NAV3: variants seen among roughly 807,000 people sequenced by gnomAD.
NAV3 encodes neuron navigator 3.
In NAV3, 87 loss-of-function variants were observed where a neutral mutation model predicts 244.7. The observed-to-expected ratio is 0.36, with a 90% CI of 0.30 to 0.42. NAV3 has a LOEUF of 0.42. Ranked by LOEUF, NAV3 falls within the 20% of genes least tolerant of loss-of-function variation. The probability of loss-of-function intolerance (pLI) is 1.00; values close to 1 mark genes in which losing one functional copy is unlikely to be tolerated. For missense variants in NAV3, 2,663 were observed against 2,893.3 expected (o/e 0.92, Z 1.83); for synonymous variants, 1,126 against 1,042.2 (o/e 1.08, Z -1.55).
At position 77,953,786 on chromosome 12, in the gene NAV3, A is replaced by G. The variant is rs142653279; in HGVS notation, c.415-12443A>G. ...TCGAGGAAAAGGCCTGGAATTACGC[A>G]TGCTCACAATGATCCCTGCTCAGCT... On this transcript the variant is annotated intron_variant, in intron 3 of 39. Coordinates refer to ENST00000397909, the MANE Select transcript of NAV3 (RefSeq NM_001024383.2). 2.8e-3 allele frequency among the ~76,000 whole-genome samples: 420 copies of G among 152,288 alleles called. 9 individuals are homozygous for G. In the South Asian group the frequency reaches 0.051, roughly 18 times the overall value.
intron 2 of NAV3, among the ~76,000 whole-genome samples, chr12:77,595,405 A>G (rs1359713816): frequency 6.6e-6 from 1 of 152,122 alleles, no homozygotes; most frequent in Non-Finnish European, 1.5e-5. Flanking sequence ...AAATGGGGAG[A>G]TGTTGATAAG....
Position 77,831,574 on chromosome 12 carries a change from C to T in NAV3, c.113C>T (p.Ser38Phe), listed in dbSNP as rs1282092599. The T allele has an allele frequency of 6.2e-7, 1 of 1,613,974 alleles. No homozygotes were observed. The highest frequency in any genetic ancestry group is 1.3e-5 in the African/African-American group (1 of 74,924). ...NLGTTGSQHCSSRPLELTETE... is the reference protein window; with the variant it reads ...NLGTTGSQHCFSRPLELTETE... ...GGCACTACTGGGTCACAGCACTGTT[C>T]TTCAAGACCTTTGGAACTTACTGAA... Residue 38 changes from serine (S) to phenylalanine (F), a missense_variant, in exon 1 of 40, where the codon TCT becomes TTT. Coordinates refer to ENST00000397909, the MANE Select transcript of NAV3 (RefSeq NM_001024383.2).
chr12:77,791,363 A>G (rs1394752086), intron 2 of NAV3, among the ~76,000 whole-genome samples: 1 of 152,048 alleles, frequency 6.6e-6, no homozygotes. Flanking sequence ...TCAAAAAAAA[A>G]AAAAAAAAAA....
At chr12:78,193,011 A>G (rs1246691829) in intron 34 of NAV3, among the ~76,000 whole-genome samples, 2 of 151,882 alleles carry the variant, frequency 1.3e-5, no homozygotes, top group Non-Finnish European at 2.9e-5. Flanking sequence ...TACTGAAGTA[A>G]CATGATAATG....
At chr12:78,045,122 A>G (rs942671799) in intron 9 of NAV3, among the ~76,000 whole-genome samples, 1 of 152,162 alleles carries the variant, frequency 6.6e-6, no homozygotes, top group African/African-American at 2.4e-5. Context: ...CTAGTAATTG[A>G]GAGTTCTTAG....
chr12:77,941,826 A>G (rs1889899793), intron 3 of NAV3, among the ~76,000 whole-genome samples: 1 of 152,218 alleles, frequency 6.6e-6, no homozygotes, highest in Admixed American at 6.5e-5. Context: ...TGCCTTAACT[A>G]AAGTTACATC....
intron 12 of NAV3, among the ~76,000 whole-genome samples, chr12:78,114,411 G>GA (rs2138465321): frequency 6.6e-6 from 1 of 152,136 alleles, no homozygotes; most frequent in South Asian, 2.1e-4. Context: ...AGTTTATAAA[G>GA]AAAAAAGAGG....
intron 1 of NAV3, among the ~76,000 whole-genome samples, chr12:77,926,425 A>G (rs10082999): frequency 0.35 from 52,910 of 151,978 alleles, 9,629 homozygotes; most frequent in East Asian, 0.44. Context: ...ATTTCTTCCT[A>G]GCAAGAGAGG....
chr12:78,119,324 A>T lies in NAV3; in HGVS notation c.3128A>T (p.Lys1043Ile). ...SLQRSPSDAG[K>I]SSGDEGKKPP... ...CAAAGATCTCCTTCAGATGCAGGAAAAAGCAGTGGAGATGAAGGGAAAAAG... is the reference window on the plus strand; with the variant it reads ...CAAAGATCTCCTTCAGATGCAGGAATAAGCAGTGGAGATGAAGGGAAAAAG... The change falls in exon 15 of 40, where the codon AAA (lysine) becomes ATA (isoleucine). Residue 1043 changes from lysine (K) to isoleucine (I), a missense_variant. Lys to Ile is a moderately radical substitution (Grantham distance 102, BLOSUM62 -3). This residue lies in a region of NAV3 where 1,521 missense variants were observed against 1,497.0 expected (regional missense o/e 1.02). Coordinates refer to ENST00000397909, the MANE Select transcript of NAV3 (RefSeq NM_001024383.2). 16 of 1,614,206 alleles carry T rather than the reference A, an allele frequency of 9.9e-6. No individual in the cohort carries two copies. Among genetic ancestry groups the T allele is most frequent in the Non-Finnish European group, 1.3e-5 (15 of 1,180,034 alleles).
chr12:78,087,046 G>T (rs1953674246), intron 12 of NAV3, among the ~76,000 whole-genome samples: 1 of 151,946 alleles, frequency 6.6e-6, no homozygotes, highest in Admixed American at 6.6e-5. Flanking sequence ...CTGTCAAATA[G>T]TTTTTGGTGT....
intron 1 of NAV3, among the ~76,000 whole-genome samples, chr12:77,874,878 T>C: frequency 6.6e-6 from 1 of 152,240 alleles, no homozygotes; most frequent in South Asian, 2.1e-4. Context: ...ATTTTTTTTA[T>C]AGATTTGTTA....
At chr12:77,743,553 G>A (rs922390002) in intron 2 of NAV3, among the ~76,000 whole-genome samples, 1 of 151,736 alleles carries the variant, frequency 6.6e-6, no homozygotes. Flanking sequence ...GAGCATAAAT[G>A]AATGTTCATT....
intron 38 of NAV3, among the ~76,000 whole-genome samples, chr12:78,204,114 A>G (rs1237495056): frequency 6.6e-6 from 1 of 151,936 alleles, no homozygotes; most frequent in Non-Finnish European, 1.5e-5. Flanking sequence ...GAGTTTTTCC[A>G]AACACCGCAT....
At chr12:77,782,009 CAGG>C in intron 2 of NAV3, among the ~76,000 whole-genome samples, 1 of 152,254 alleles carries the variant, frequency 6.6e-6, no homozygotes, top group South Asian at 2.1e-4. Context: ...ATATAAATAG[CAGG>C]AGGAGATCAC....
At chr12:77,936,395 C>G (rs1889330504) in intron 1 of NAV3, among the ~76,000 whole-genome samples, 1 of 152,094 alleles carries the variant, frequency 6.6e-6, no homozygotes, top group Non-Finnish European at 1.5e-5. Flanking sequence ...CGTTGAAGTT[C>G]ATCAAAACAG....
chr12:77,660,649 A>G lies in NAV3; in HGVS notation c.72+88383A>G, dbSNP rs1266311252. 1.1e-4 allele frequency among the ~76,000 whole-genome samples: 16 copies of G among 152,286 alleles called. No individual in the cohort carries two copies. The East Asian group carries it at 2.5e-3, about 24-fold the overall frequency. On this transcript the variant is annotated intron_variant, in intron 2 of 8. Transcript: ENST00000550042. ...GTATATTATATACGTGCATATATAC[A>G]GACATGTTTAGGTATAAGTATGTAT...
chr12:77,930,396 T>A lies in NAV3; in HGVS notation c.244-9923T>A, dbSNP rs1313111715. Among the ~76,000 whole-genome samples the A allele has an allele frequency of 2.0e-5, 3 of 152,092 alleles. No individual in the cohort carries two copies. The East Asian group carries it at 5.8e-4, about 29-fold the overall frequency. On this transcript the variant is annotated intron_variant, in intron 1 of 39. Transcript: ENST00000397909. ...TCTATAGAGCTAATAATTGCCTCAC[T>A]TTTTTATTGTATAATTTATGTTGAC...
intron 2 of NAV3, among the ~76,000 whole-genome samples, chr12:77,736,996 C>T (rs1392814980): frequency 6.6e-6 from 1 of 152,004 alleles, no homozygotes; most frequent in Non-Finnish European, 1.5e-5. Flanking sequence ...ACTATTTTCC[C>T]CCTAAACTTT....
At chr12:77,799,602 T>G (rs1278080545) in intron 2 of NAV3, among the ~76,000 whole-genome samples, 1 of 152,214 alleles carries the variant, frequency 6.6e-6, no homozygotes, top group Non-Finnish European at 1.5e-5. Context: ...CACACTGTGC[T>G]GAATTCTTTA....
Sources: allele counts gnomAD v4.1 joint callset (sites outside exome capture counted in the v4.1 genomes callset), GRCh38; gene constraint gnomAD v4.1.1; regional missense constraint gnomAD v4.1.1; transcripts MANE v1.5; gene names NCBI Gene and HGNC (gene_info 2026-07-23, HGNC 2026-07-21).